CACNA2D1: variants seen among roughly 807,000 people sequenced by gnomAD.
CACNA2D1 encodes the protein voltage-dependent calcium channel subunit alpha-2/delta-1.
In CACNA2D1, 53 loss-of-function variants were observed where a neutral mutation model predicts 171.5. The observed-to-expected ratio is 0.31, with a 90% CI of 0.25 to 0.39. The LOEUF is 0.39. Among genes scored for constraint, CACNA2D1 ranks in the 10% least tolerant of loss-of-function variants. The pLI is 1.00. For synonymous variants in CACNA2D1, 442 were observed against 443.1 expected, an observed-to-expected ratio of 1.00 and a Z score of 0.03; for missense variants, 903 against 1,299.8, an observed-to-expected ratio of 0.69 and a Z score of 4.69.
Position 82,284,188 on chromosome 7 carries a change from CA to C in CACNA2D1, c.294+50946del, listed in dbSNP as rs200601228. 9.2e-3 allele frequency among the ~76,000 whole-genome samples: 815 copies of C among 88,322 alleles called. 14 individuals are homozygous for C. In the East Asian group the frequency reaches 0.11, roughly 12 times the overall value. 57.9% of individuals were successfully genotyped at this position (88,322 alleles called of 152,430 possible). ...GCCTGGGCAACATAAGAGCCTTCTC[CA>C]AAAAAAAAAAGAAAAAAAAGAAAAA... On this transcript the variant is annotated intron_variant, in intron 3 of 38. Coordinates refer to ENST00000356860, the MANE Select transcript of CACNA2D1 (RefSeq NM_000722.4).
chr7:82,360,019 A>G (rs7781562), intron 1 of CACNA2D1, among the ~76,000 whole-genome samples: 111,787 of 152,084 alleles, frequency 0.74, 41,480 homozygotes, highest in African/African-American at 0.85. Flanking sequence ...GTTACTTACC[A>G]AAGGACACAA....
In CACNA2D1 at chr7:82,366,141, A is replaced by C. The variant is rs553279978; in HGVS notation, c.96-16492T>G. On this transcript the variant is annotated intron_variant, in intron 1 of 38. Transcript: ENST00000356860. ...TACTCACTTTCACTTTGGGGAACAG[A>C]ATGAAATTTTGGTCTTGAACTTGTG... 9.2e-5 allele frequency among the ~76,000 whole-genome samples: 14 copies of C among 152,332 alleles called. No homozygotes were observed. In the South Asian group the frequency reaches 2.5e-3, roughly 27 times the overall value.
chr7:82,423,401 C>G (rs1336601785), intron 1 of CACNA2D1, among the ~76,000 whole-genome samples: 3 of 152,114 alleles, frequency 2.0e-5, no homozygotes, highest in Non-Finnish European at 4.4e-5. Flanking sequence ...TTCAGATTAG[C>G]TGATTTACTG....
rs769219661 is a variant in CACNA2D1 at position 81,964,248 on chromosome 7, C to T, written c.2686G>A (p.Ala896Thr). The T allele has an allele frequency of 3.1e-6, 5 of 1,612,830 alleles. No individual in the cohort carries two copies. The highest frequency in any genetic ancestry group is 3.3e-5 in the Admixed American group (2 of 59,868). ...YDYQSVCEPGAAPKQGAGHRS... is the reference protein window; with the variant it reads ...YDYQSVCEPGTAPKQGAGHRS... ...TGTCCTGCTCCTTGTTTTGGTGCAGCACCGGGCTCACATACTGACTGATAA... is the reference window on the plus strand; with the variant it reads ...TGTCCTGCTCCTTGTTTTGGTGCAGTACCGGGCTCACATACTGACTGATAA... Residue 896 changes from alanine to threonine, a missense_variant, in exon 33 of 39, where the codon GCT (alanine) becomes ACT (threonine). This residue lies in a region of CACNA2D1 where 623 missense variants were observed against 925.5 expected (regional missense o/e 0.67). Coordinates refer to ENST00000356860, the MANE Select transcript of CACNA2D1 (RefSeq NM_000722.4).
intron 7 of CACNA2D1, among the ~76,000 whole-genome samples, chr7:82,074,396 T>C (rs553328941): frequency 6.6e-6 from 1 of 151,960 alleles, no homozygotes; most frequent in Non-Finnish European, 1.5e-5. Flanking sequence ...CCTGGCTAAT[T>C]TTTGTATTTT....
intron 7 of CACNA2D1, among the ~76,000 whole-genome samples, chr7:82,081,278 A>C (rs1181336376): frequency 6.6e-6 from 1 of 152,188 alleles, no homozygotes; most frequent in African/African-American, 2.4e-5. Context: ...TGATCAGAGA[A>C]GTATATATAG....
intron 3 of CACNA2D1, among the ~76,000 whole-genome samples, chr7:82,202,899 T>C (rs1268884176): frequency 6.6e-6 from 1 of 152,000 alleles, no homozygotes; most frequent in African/African-American, 2.4e-5. Context: ...CAGATGTGGA[T>C]AGATTTGATT....
At chr7:82,093,982 G>A (rs1218498926) in intron 6 of CACNA2D1, among the ~76,000 whole-genome samples, 1 of 152,126 alleles carries the variant, frequency 6.6e-6, no homozygotes, top group African/African-American at 2.4e-5. Flanking sequence ...TCACAAAGAA[G>A]GATCAAAAGT....
chr7:82,280,796 C>T (rs1809995729), intron 3 of CACNA2D1, among the ~76,000 whole-genome samples: 1 of 152,144 alleles, frequency 6.6e-6, no homozygotes, highest in Non-Finnish European at 1.5e-5. Context: ...ATCCTCCCAC[C>T]TCAGCCTCCT....
At chr7:82,045,740 G>A (rs926204872) in intron 10 of CACNA2D1, among the ~76,000 whole-genome samples, 3 of 152,028 alleles carry the variant, frequency 2.0e-5, no homozygotes, top group Admixed American at 6.6e-5. Context: ...AATCACCTGC[G>A]TGCCAGGCTA....
At chr7:82,066,369 T>A (rs1242051224) in intron 8 of CACNA2D1, 86 bp downstream of exon 8, 6 of 1,518,284 alleles carry the variant, frequency 4.0e-6, no homozygotes, top group Non-Finnish European at 5.4e-6. Flanking sequence ...TTAATACTCA[T>A]CCTAATAATA....
Position 81,994,914 on chromosome 7 carries a change from T to TC in CACNA2D1, c.1687dup (p.Glu563GlyfsTer12). ...AGTTCTGAATGTTTTTTCTCCACTT[T>TC]CCCCATCAATCATCTTATTTCGAAT... On this transcript the variant is annotated frameshift_variant, in exon 20 of 39. Transcript: ENST00000356860. LOFTEE classifies it high-confidence loss of function. 6.5e-7 allele frequency: 1 copy of TC among 1,549,696 alleles called. No individual in the cohort carries two copies. Among genetic ancestry groups the TC allele is most frequent in the Non-Finnish European group, 8.9e-7 (1 of 1,121,658 alleles).
At chr7:82,385,895 C>A (rs1585751872) in intron 1 of CACNA2D1, among the ~76,000 whole-genome samples, 1 of 152,064 alleles carries the variant, frequency 6.6e-6, no homozygotes, top group East Asian at 1.9e-4. Context: ...CAACTCCTGA[C>A]CTCAAGTGAT....
At chr7:82,233,090 A>ATACTG (rs1803150269) in intron 3 of CACNA2D1, among the ~76,000 whole-genome samples, 1 of 152,056 alleles carries the variant, frequency 6.6e-6, no homozygotes, top group Non-Finnish European at 1.5e-5. Flanking sequence ...TATTTGGGAG[A>ATACTG]TACTGTACTT....
intron 12 of CACNA2D1, among the ~76,000 whole-genome samples, chr7:82,019,539 T>C (rs1427147021): frequency 6.6e-6 from 1 of 152,234 alleles, no homozygotes; most frequent in Admixed American, 6.5e-5. Context: ...TACTGATTTG[T>C]TCCTTATATC....
intron 6 of CACNA2D1, among the ~76,000 whole-genome samples, chr7:82,090,829 C>G (rs937247266): frequency 6.6e-6 from 1 of 152,198 alleles, no homozygotes; most frequent in South Asian, 2.1e-4. Flanking sequence ...TTAGATTCAA[C>G]ACTTATTGTA....
chr7:82,076,969 A>G (rs1809040151), intron 7 of CACNA2D1, among the ~76,000 whole-genome samples: 1 of 152,144 alleles, frequency 6.6e-6, no homozygotes, highest in Non-Finnish European at 1.5e-5. Context: ...AACCTCTTAT[A>G]TGACTCTAAT....
chr7:82,242,342 A>G (rs1224732827), intron 3 of CACNA2D1, among the ~76,000 whole-genome samples: 1 of 152,154 alleles, frequency 6.6e-6, no homozygotes. Context: ...AAAGTAATCT[A>G]AGATGTAAAA....
At chr7:82,380,263 A>T (rs1823538933) in intron 1 of CACNA2D1, among the ~76,000 whole-genome samples, 1 of 152,208 alleles carries the variant, frequency 6.6e-6, no homozygotes. Context: ...GGTAGAAAAC[A>T]TCCAAAACAT....
Sources: allele counts gnomAD v4.1 joint callset (sites outside exome capture counted in the v4.1 genomes callset), GRCh38; gene constraint gnomAD v4.1.1; regional missense constraint gnomAD v4.1.1; transcripts MANE v1.5; gene names NCBI Gene and HGNC (gene_info 2026-07-23, HGNC 2026-07-21).